The following RBM47 variants were observed in gnomAD, a reference collection of about 807,000 sequenced individuals.
RBM47 encodes RNA binding motif protein 47.
A neutral mutation model predicts 47.1 loss-of-function variants in RBM47; 21 were observed. The ratio of observed to expected loss-of-function variants is 0.45; its 90% CI spans 0.32 to 0.64. RBM47 has a LOEUF of 0.64. RBM47 is among the 30% of genes least tolerant of loss of function. RBM47 has a pLI of 0.05. For missense variants in RBM47, 708 were observed against 870.9 expected (o/e 0.81, Z 2.35); for synonymous variants, 375 against 361.7 (o/e 1.04, Z -0.42).
chr4:40,567,729 G>T (rs1054790380), intron 1 of RBM47, among the ~76,000 whole-genome samples: 4 of 151,930 alleles, frequency 2.6e-5, no homozygotes, highest in African/African-American at 9.7e-5. Flanking sequence ...CAAGACCAAG[G>T]TTAAGGTATT....
intron 1 of RBM47, among the ~76,000 whole-genome samples, chr4:40,560,439 TA>T (rs35788683): frequency 0.26 from 38,976 of 151,060 alleles, 6,415 homozygotes; most frequent in African/African-American, 0.47. Flanking sequence ...CAGGTGCATT[TA>T]AAAAAAAAAT....
chr4:40,625,102 C>G (rs746151262), intron 1 of RBM47, among the ~76,000 whole-genome samples: 6 of 152,088 alleles, frequency 3.9e-5, no homozygotes, highest in Non-Finnish European at 8.8e-5. Context: ...CCCGCCTTGG[C>G]CTCCCAAAGT....
chr4:40,512,354 C>T (rs966621336), intron 2 of RBM47, among the ~76,000 whole-genome samples: 3 of 140,126 alleles, frequency 2.1e-5, no homozygotes, highest in Non-Finnish European at 1.5e-5. Flanking sequence ...GTGGAGGTTG[C>T]AGAGAGCCGA....
intron 3 of RBM47, among the ~76,000 whole-genome samples, chr4:40,454,766 G>A (rs910339614): frequency 7.2e-5 from 11 of 152,198 alleles, no homozygotes; most frequent in African/African-American, 2.7e-4. Context: ...CCAAAGTGCT[G>A]AAATTATGTG....
In RBM47 at chr4:40,628,654, C is replaced by T. The variant is rs773851289; in HGVS notation, c.-240+742G>A. ...AAGAAAACAGTGAGTCATTAAAATA[C>T]CACCAGATAAAAAAAAAAGGTTTGA... On this transcript the variant is annotated intron_variant, in intron 1 of 6. Transcript: ENST00000295971. The surrounding 1 kb of genome is among the most constrained non-coding windows in gnomAD (Gnocchi z 4.0). Among the ~76,000 whole-genome samples the T allele has an allele frequency of 1.0e-4, 15 of 145,212 alleles. No individual in the cohort carries two copies. The highest frequency in any genetic ancestry group is 1.8e-4 in the Non-Finnish European group (12 of 67,834).
chr4:40,585,361 A>G (rs1733462330), intron 1 of RBM47, among the ~76,000 whole-genome samples: 1 of 152,216 alleles, frequency 6.6e-6, no homozygotes, highest in Non-Finnish European at 1.5e-5. Flanking sequence ...TGGATCTTCC[A>G]TTTCAGAGCC....
intron 1 of RBM47, among the ~76,000 whole-genome samples, chr4:40,601,255 TAG>T (rs1735261163): frequency 6.6e-6 from 1 of 152,162 alleles, no homozygotes; most frequent in South Asian, 2.1e-4. Flanking sequence ...AACTGTAAAA[TAG>T]AGACACTGGT....
chr4:40,466,105 T>C (rs558576754), intron 3 of RBM47, among the ~76,000 whole-genome samples: 1 of 151,608 alleles, frequency 6.6e-6, no homozygotes, highest in East Asian at 1.9e-4. Flanking sequence ...TTGTCTCTAA[T>C]AAAAATATAA....
chr4:40,630,093 T>A (rs748520855), upstream of RBM47: 3 of 152,238 alleles, frequency 2.0e-5, no homozygotes, highest in Non-Finnish European at 4.4e-5. Context: ...TGTTGTTTTT[T>A]AGGAGCGCAG....
At chr4:40,626,692 T>TC (rs1253926301) in intron 1 of RBM47, among the ~76,000 whole-genome samples, 1 of 152,068 alleles carries the variant, frequency 6.6e-6, no homozygotes, top group Non-Finnish European at 1.5e-5. Context: ...GAGATCGCCC[T>TC]CCCCACTGCC....
At chr4:40,474,872 T>A (rs1471350634) in intron 2 of RBM47, among the ~76,000 whole-genome samples, 1 of 152,206 alleles carries the variant, frequency 6.6e-6, no homozygotes, top group Non-Finnish European at 1.5e-5. Context: ...CATTGATTCA[T>A]CATAATGAGA....
At chr4:40,513,298 T>A (rs950684966) in intron 2 of RBM47, among the ~76,000 whole-genome samples, 6 of 152,224 alleles carry the variant, frequency 3.9e-5, no homozygotes, top group Non-Finnish European at 8.8e-5. Context: ...ATTGGTGAGC[T>A]CTTCAACTTA....
chr4:40,558,120 T>C (rs2154265849), intron 1 of RBM47, among the ~76,000 whole-genome samples: 1 of 152,284 alleles, frequency 6.6e-6, no homozygotes, highest in South Asian at 2.1e-4. Context: ...AAAACAGATA[T>C]TATTATTCTC....
intron 2 of RBM47, among the ~76,000 whole-genome samples, chr4:40,488,803 T>C (rs1721475340): frequency 6.6e-6 from 1 of 152,212 alleles, no homozygotes; most frequent in South Asian, 2.1e-4. Flanking sequence ...GAATAGTTAA[T>C]CTTTATTGAA....
chr4:40,444,416 T>C (rs1714176774), intron 3 of RBM47, among the ~76,000 whole-genome samples: 1 of 146,580 alleles, frequency 6.8e-6, no homozygotes, highest in South Asian at 2.1e-4. Context: ...AACACAACCC[T>C]ATCCTTAAAA....
At chr4:40,617,776 C>CT (rs930080041) in intron 1 of RBM47, among the ~76,000 whole-genome samples, 3 of 150,350 alleles carry the variant, frequency 2.0e-5, no homozygotes, top group African/African-American at 2.4e-5. Context: ...ATACTTAAGT[C>CT]TTTTTTTTAA....
intron 1 of RBM47, among the ~76,000 whole-genome samples, chr4:40,624,874 T>C (rs1737591298): frequency 8.3e-6 from 1 of 120,690 alleles, no homozygotes; most frequent in Admixed American, 9.0e-5. Context: ...TTTTTTTTTT[T>C]TTTTTTTGTT....
intron 1 of RBM47, among the ~76,000 whole-genome samples, chr4:40,549,647 C>T (rs1433840586): frequency 6.6e-6 from 1 of 151,820 alleles, no homozygotes; most frequent in Non-Finnish European, 1.5e-5. Context: ...CTCAGCCTCC[C>T]AAGTAGCTGG....
chr4:40,438,498 G>T lies in RBM47; in HGVS notation c.396C>A (p.Asn132Lys), dbSNP rs771451464. The change falls in exon 4 of 7, where the codon AAC (asparagine) becomes AAA (lysine). Residue 132 changes from asparagine to lysine, a missense_variant. Transcript: ENST00000295971. ...GGCGGCCCGGGCGGATCTCGTAGTT[G>T]TTGAGCTCACGCACTGCGCGCTTGG... The part of the protein sequence containing the change: ...HEAKRAVREL[N>K]NYEIRPGRLL... 1.2e-6 allele frequency: 2 copies of T among 1,613,654 alleles called. No homozygotes were observed. The highest frequency in any genetic ancestry group is 1.7e-6 in the Non-Finnish European group (2 of 1,179,916).
Sources: allele counts gnomAD v4.1 joint callset (sites outside exome capture counted in the v4.1 genomes callset), GRCh38; gene constraint gnomAD v4.1.1; non-coding constraint Gnocchi (gnomAD v3.1); transcripts MANE v1.5; gene names NCBI Gene and HGNC (gene_info 2026-07-23, HGNC 2026-07-21).